The following GRID2 variants were observed in gnomAD, a reference collection of about 807,000 sequenced individuals.
The protein encoded by GRID2 is glutamate receptor ionotropic, delta-2.
In GRID2, 33 loss-of-function variants were observed where a neutral mutation model predicts 114.8. The ratio of observed to expected loss-of-function variants is 0.29; its 90% CI spans 0.22 to 0.38. The LOEUF (loss-of-function observed/expected upper bound fraction) is 0.38, where lower values mean the gene tolerates loss of function less well. Among genes scored for constraint, GRID2 ranks in the 10% least tolerant of loss-of-function variants. The probability of loss-of-function intolerance (pLI) is 1.00; values close to 1 mark genes in which losing one functional copy is unlikely to be tolerated. For missense variants in GRID2, 1,184 were observed against 1,257.7 expected (o/e 0.94, Z 0.89); for synonymous variants, 505 against 449.9 (o/e 1.12, Z -1.55).
intron 2 of GRID2, among the ~76,000 whole-genome samples, chr4:93,084,087 AAAT>A (rs1389115074): frequency 2.0e-5 from 3 of 152,072 alleles, no homozygotes; most frequent in Non-Finnish European, 4.4e-5. Context: ...TATAAAATGA[AAAT>A]AATTTTTTCA....
In GRID2 at chr4:93,081,657, A is replaced by C. The variant is rs557212574; in HGVS notation, c.245-3338A>C. Among the ~76,000 whole-genome samples the C allele has an allele frequency of 2.4e-4, 36 of 152,318 alleles. No homozygotes were observed. The South Asian group carries it at 3.3e-3, about 14-fold the overall frequency. On this transcript the variant is annotated intron_variant, in intron 2 of 15. Coordinates refer to ENST00000282020, the MANE Select transcript of GRID2 (RefSeq NM_001510.4). ...TGTATAGATGTTTACGTATATGTGC[A>C]TATATAGTATAAATAAATCACAAGG...
chr4:92,478,628 A>C (rs916489678), intron 1 of GRID2, among the ~76,000 whole-genome samples: 1 of 152,176 alleles, frequency 6.6e-6, no homozygotes, highest in East Asian at 1.9e-4. Context: ...TTGCCAAAGC[A>C]AAAGTATGAA....
intron 1 of GRID2, among the ~76,000 whole-genome samples, chr4:92,418,513 A>C (rs1731731419): frequency 6.6e-6 from 1 of 152,084 alleles, no homozygotes; most frequent in Non-Finnish European, 1.5e-5. Flanking sequence ...TGGTGATAGA[A>C]GTAGATGAGT....
At chr4:93,225,752 C>A (rs1745413054) in intron 7 of GRID2, among the ~76,000 whole-genome samples, 2 of 152,150 alleles carry the variant, frequency 1.3e-5, no homozygotes, top group Admixed American at 6.6e-5. Flanking sequence ...CTGGATCTTT[C>A]TCTTGGTACT....
chr4:93,645,431 G>A (rs914368817), intron 14 of GRID2, among the ~76,000 whole-genome samples: 1 of 152,250 alleles, frequency 6.6e-6, no homozygotes, highest in African/African-American at 2.4e-5. Flanking sequence ...AGGCTGGAGC[G>A]ATGGTTATTG....
chr4:93,392,099 G>A (rs915003861), intron 8 of GRID2, among the ~76,000 whole-genome samples: 1 of 152,040 alleles, frequency 6.6e-6, no homozygotes, highest in Non-Finnish European at 1.5e-5. Context: ...ATCTTGTTTT[G>A]CCATCAGCAG....
intron 8 of GRID2, among the ~76,000 whole-genome samples, chr4:93,316,381 A>G (rs1560491185): frequency 9.1e-6 from 1 of 110,122 alleles, no homozygotes; most frequent in Non-Finnish European, 1.9e-5. Flanking sequence ...GAAAGAAAGA[A>G]AGAATAGAAA....
chr4:92,352,521 T>G (rs1462150154), intron 1 of GRID2, among the ~76,000 whole-genome samples: 1 of 151,924 alleles, frequency 6.6e-6, no homozygotes, highest in Non-Finnish European at 1.5e-5. Context: ...TTTAGTTTTA[T>G]CTAATCCCAT....
intron 13 of GRID2, among the ~76,000 whole-genome samples, chr4:93,577,366 G>T (rs1736525660): frequency 6.6e-6 from 1 of 152,166 alleles, no homozygotes; most frequent in African/African-American, 2.4e-5. Flanking sequence ...AAACCACAGT[G>T]ATTGAAGGAC....
chr4:93,378,514 T>G (rs1038109746), intron 8 of GRID2, among the ~76,000 whole-genome samples: 1 of 152,116 alleles, frequency 6.6e-6, no homozygotes, highest in Non-Finnish European at 1.5e-5. Context: ...TACAGGAAAT[T>G]ATTGGGTAAG....
At chr4:93,270,640 T>G (rs960335874) in intron 8 of GRID2, among the ~76,000 whole-genome samples, 2 of 151,888 alleles carry the variant, frequency 1.3e-5, no homozygotes, top group South Asian at 4.2e-4. Flanking sequence ...TTGTTTTGTT[T>G]TTTTTTGAGG....
intron 13 of GRID2, among the ~76,000 whole-genome samples, chr4:93,569,338 G>A (rs989650011): frequency 2.6e-5 from 4 of 152,038 alleles, no homozygotes; most frequent in Non-Finnish European, 5.9e-5. Context: ...TTCTGGAGAA[G>A]CCTACTCTAA....
chr4:92,940,858 G>A lies in GRID2; in HGVS notation c.245-144137G>A, dbSNP rs150538338. Among the ~76,000 whole-genome samples, 1,160 of 152,172 alleles carry A rather than the reference G, an allele frequency of 7.6e-3. 27 individuals carry two copies. In the East Asian group the frequency reaches 0.081, roughly 11 times the overall value. Reference sequence around the variant, plus strand: ...TTTTTGTCTTTGGTTCTGTTTATATGCTGGATTACATTTATTGATTTGCAT... The same window carrying A: ...TTTTTGTCTTTGGTTCTGTTTATATACTGGATTACATTTATTGATTTGCAT... On this transcript the variant is annotated intron_variant, in intron 2 of 15. Coordinates refer to ENST00000282020, the MANE Select transcript of GRID2 (RefSeq NM_001510.4).
intron 8 of GRID2, among the ~76,000 whole-genome samples, chr4:93,374,077 C>G (rs773924517): frequency 6.6e-6 from 1 of 152,098 alleles, no homozygotes; most frequent in African/African-American, 2.4e-5. Context: ...ACTTAAATGC[C>G]TAAGACAGGT....
intron 8 of GRID2, among the ~76,000 whole-genome samples, chr4:93,248,738 G>C (rs143097847): frequency 6.6e-6 from 1 of 152,178 alleles, no homozygotes; most frequent in African/African-American, 2.4e-5. Flanking sequence ...ATTTGGCAGG[G>C]GGGTGACTCT....
At chr4:92,665,964 C>T (rs1372804474) in intron 2 of GRID2, among the ~76,000 whole-genome samples, 1 of 151,448 alleles carries the variant, frequency 6.6e-6, no homozygotes, top group African/African-American at 2.4e-5. Context: ...TGTCTTTCCT[C>T]AAATTTTGGA....
intron 14 of GRID2, among the ~76,000 whole-genome samples, chr4:93,764,143 C>T (rs2110319758): frequency 6.6e-6 from 1 of 152,216 alleles, no homozygotes; most frequent in African/African-American, 2.4e-5. Context: ...GCTAAAAAGG[C>T]TCTTCAAGAT....
chr4:92,950,675 A>C (rs530851068), intron 2 of GRID2, among the ~76,000 whole-genome samples: 1 of 152,202 alleles, frequency 6.6e-6, no homozygotes, highest in Non-Finnish European at 1.5e-5. Context: ...TTTGTCCTCC[A>C]AATCATCAGC....
chr4:92,735,741 CTTTT>C (rs550436853), intron 2 of GRID2, among the ~76,000 whole-genome samples: 1,544 of 151,824 alleles, frequency 0.01, 10 homozygotes, highest in Non-Finnish European at 0.015. Flanking sequence ...TCACTAGCTT[CTTTT>C]TTTTATTTTA....
Sources: allele counts gnomAD v4.1 joint callset (sites outside exome capture counted in the v4.1 genomes callset), GRCh38; gene constraint gnomAD v4.1.1; transcripts MANE v1.5; gene names NCBI Gene and HGNC (gene_info 2026-07-23, HGNC 2026-07-21).